ERBB4: variants seen among roughly 807,000 people sequenced by gnomAD.
ERBB4 encodes the protein erb-b2 receptor tyrosine kinase 4.
A neutral mutation model predicts 158.0 loss-of-function variants in ERBB4; 42 were observed. The observed-to-expected ratio is 0.27, with a 90% confidence interval of 0.21 to 0.34. The LOEUF (loss-of-function observed/expected upper bound fraction) is 0.34, where lower values mean the gene tolerates loss of function less well. ERBB4 is among the 10% of genes least tolerant of loss of function. The probability of loss-of-function intolerance (pLI) is 1.00; values close to 1 mark genes in which losing one functional copy is unlikely to be tolerated. For synonymous variants in ERBB4, 583 were observed against 558.7 expected, an observed-to-expected ratio of 1.04 and a Z score of -0.61; for missense variants, 1,333 against 1,624.1, an observed-to-expected ratio of 0.82 and a Z score of 3.08.
intron 15 of ERBB4, among the ~76,000 whole-genome samples, chr2:211,663,634 GA>G (rs1429966041): frequency 1.3e-5 from 2 of 152,020 alleles, no homozygotes; most frequent in Non-Finnish European, 2.9e-5. Context: ...GGGCAGAGAG[GA>G]AGACACACCA....
chr2:211,573,616 G>A (rs965719757), intron 19 of ERBB4, among the ~76,000 whole-genome samples: 3 of 152,162 alleles, frequency 2.0e-5, no homozygotes, highest in African/African-American at 7.2e-5. Flanking sequence ...CTTGCAGTGA[G>A]CCGAGATGGT....
chr2:211,442,648 ATG>A (rs1559173076), intron 20 of ERBB4, among the ~76,000 whole-genome samples: 5 of 151,904 alleles, frequency 3.3e-5, no homozygotes, highest in East Asian at 1.9e-4. Flanking sequence ...ACACGTATAT[ATG>A]TGTGTGTTAT....
intron 3 of ERBB4, among the ~76,000 whole-genome samples, chr2:211,814,704 T>C (rs549773692): frequency 6.6e-5 from 10 of 152,082 alleles, no homozygotes; most frequent in Admixed American, 2.0e-4. Context: ...TCAAAACAGG[T>C]AGAAACTCAC....
intron 1 of ERBB4, among the ~76,000 whole-genome samples, chr2:212,488,829 CA>C (rs1222340781): frequency 6.6e-6 from 1 of 151,062 alleles, no homozygotes; most frequent in Non-Finnish European, 1.5e-5. Context: ...GAGTTCATTG[CA>C]AATATATTGA....
At position 211,715,016 on chromosome 2, in the gene ERBB4, G is replaced by A. The variant is rs574859101; in HGVS notation, c.884-1368C>T. 5.9e-5 allele frequency among the ~76,000 whole-genome samples: 9 copies of A among 152,306 alleles called. No individual in the cohort carries two copies. In the South Asian group the frequency reaches 1.9e-3, roughly 32 times the overall value. On this transcript the variant is annotated intron_variant, in intron 7 of 27. Transcript: ENST00000342788. Reference sequence around the variant, plus strand: ...AGGTATGTGGTACTAGCTGAAAATGGATGGCAGCTTCTCTGTCTGCCATCT... The same window carrying A: ...AGGTATGTGGTACTAGCTGAAAATGAATGGCAGCTTCTCTGTCTGCCATCT...
intron 2 of ERBB4, among the ~76,000 whole-genome samples, chr2:212,003,223 AGGAAGGAAG>A (rs2076176977): frequency 1.2e-5 from 1 of 83,302 alleles, no homozygotes. Context: ...GAAGGAAGGA[AGGAAGGAAG>A]GAAGGAAGGA....
At chr2:212,450,799 A>G (rs1420318614) in intron 1 of ERBB4, among the ~76,000 whole-genome samples, 1 of 150,906 alleles carries the variant, frequency 6.6e-6, no homozygotes, top group East Asian at 1.9e-4. Flanking sequence ...TTACAGATTT[A>G]ATGCAGGAAG....
In ERBB4 at chr2:211,420,430, T is replaced by C. The variant is rs1559149583; in HGVS notation, c.3135+11A>G. On this transcript the variant is annotated intron_variant, in intron 25 of 27. Transcript: ENST00000342788. ...GAAAGAATATGATATGTGTATATAA[T>C]TATTTCTTACCCTATTCGAGTCAAT... 6.3e-7 allele frequency: 1 copy of C among 1,582,616 alleles called. No homozygotes were observed. The highest frequency in any genetic ancestry group is 1.1e-5 in the South Asian group (1 of 90,204).
At chr2:211,452,218 C>T (rs1574514595) in intron 20 of ERBB4, among the ~76,000 whole-genome samples, 1 of 152,098 alleles carries the variant, frequency 6.6e-6, no homozygotes, top group South Asian at 2.1e-4. Context: ...CGCTCTGTTG[C>T]CCAGGCTGGA....
intron 1 of ERBB4, among the ~76,000 whole-genome samples, chr2:212,223,366 C>T (rs2083366709): frequency 6.9e-6 from 1 of 145,968 alleles, no homozygotes; most frequent in Admixed American, 6.9e-5. Context: ...GTCTTTTCAG[C>T]AAGATAGATA....
At position 211,533,375 on chromosome 2, in the gene ERBB4, C is replaced by T. The variant is rs185092622; in HGVS notation, c.2487+28528G>A. 5.9e-3 allele frequency among the ~76,000 whole-genome samples: 896 copies of T among 152,086 alleles called. 11 individuals carry two copies. The highest frequency in any genetic ancestry group is 0.02 in the African/African-American group (815 of 41,548). ...CTTTCAAATACCTATTTTTCATAGACAGTTCACTTTATCATTATTCTTAAG... is the reference window on the plus strand; with the variant it reads ...CTTTCAAATACCTATTTTTCATAGATAGTTCACTTTATCATTATTCTTAAG... On this transcript the variant is annotated intron_variant, in intron 20 of 27. Coordinates refer to ENST00000342788, the MANE Select transcript of ERBB4 (RefSeq NM_005235.3).
intron 1 of ERBB4, among the ~76,000 whole-genome samples, chr2:212,305,949 T>G (rs1193422098): frequency 1.3e-5 from 2 of 151,346 alleles, no homozygotes; most frequent in Non-Finnish European, 3.0e-5. Flanking sequence ...GCTAAAATAA[T>G]TTATTTGAAG....
chr2:211,732,487 C>A (rs1390098287), intron 5 of ERBB4, among the ~76,000 whole-genome samples: 1 of 152,070 alleles, frequency 6.6e-6, no homozygotes, highest in Non-Finnish European at 1.5e-5. Context: ...TTCCTAATTC[C>A]TAATTGGTTT....
At chr2:212,290,278 G>GT (rs1232048961) in intron 1 of ERBB4, among the ~76,000 whole-genome samples, 2 of 152,112 alleles carry the variant, frequency 1.3e-5, no homozygotes, top group Non-Finnish European at 2.9e-5. Flanking sequence ...AGCCACCACT[G>GT]TAAGTCTGAC....
chr2:212,420,631 T>C (rs1045644146), intron 1 of ERBB4, among the ~76,000 whole-genome samples: 2 of 152,132 alleles, frequency 1.3e-5, no homozygotes, highest in African/African-American at 2.4e-5. Flanking sequence ...CATATCCTCT[T>C]ATAGAAGTTT....
intron 3 of ERBB4, among the ~76,000 whole-genome samples, chr2:211,904,055 A>G (rs527983512): frequency 5.4e-4 from 82 of 152,264 alleles, no homozygotes; most frequent in African/African-American, 2.0e-3. Context: ...GTTTAAAGAT[A>G]AAGGAACATC....
At chr2:211,868,866 G>A (rs115158014) in intron 3 of ERBB4, among the ~76,000 whole-genome samples, 4,599 of 151,974 alleles carry the variant, frequency 0.03, 72 homozygotes, top group African/African-American at 0.041. Flanking sequence ...CCTCAAATTC[G>A]TTACTTTCAC....
intron 2 of ERBB4, among the ~76,000 whole-genome samples, chr2:212,079,208 G>C (rs2078361969): frequency 1.2e-5 from 1 of 85,742 alleles, no homozygotes; most frequent in African/African-American, 2.8e-5. Context: ...CCATTTTTAA[G>C]AGCAATTGCC....
At chr2:211,772,924 C>CATATATATAT (rs1159274288) in intron 4 of ERBB4, among the ~76,000 whole-genome samples, 39 of 36,718 alleles carry the variant, frequency 1.1e-3, no homozygotes, top group East Asian at 2.7e-3. Flanking sequence ...CACACACACA[C>CATATATATAT]ATATATATAT....
Sources: allele counts gnomAD v4.1 joint callset (sites outside exome capture counted in the v4.1 genomes callset), GRCh38; gene constraint gnomAD v4.1.1; transcripts MANE v1.5; gene names NCBI Gene and HGNC (gene_info 2026-07-23, HGNC 2026-07-21).